RGS7: variants seen among roughly 807,000 people sequenced by gnomAD.
RGS7 encodes the protein regulator of G-protein signaling 7.
RGS7 carries 27 observed loss-of-function variants against 81.1 expected under a neutral mutation model. The observed-to-expected ratio is 0.33, with a 90% confidence interval of 0.25 to 0.46. RGS7 has a LOEUF of 0.46. Ranked by LOEUF, RGS7 falls within the 20% of genes least tolerant of loss-of-function variation. The probability of loss-of-function intolerance (pLI) is 1.00; values close to 1 mark genes in which losing one functional copy is unlikely to be tolerated. For missense variants in RGS7, 396 were observed against 607.4 expected (o/e 0.65, Z 3.66); for synonymous variants, 208 against 207.7 (o/e 1.00, Z -0.01).
intron 2 of RGS7, among the ~76,000 whole-genome samples, chr1:241,353,372 T>C (rs894862353): frequency 6.6e-6 from 1 of 152,270 alleles, no homozygotes; most frequent in African/African-American, 2.4e-5. Context: ...AAATATGTGA[T>C]GTCACGATCT....
intron 6 of RGS7, among the ~76,000 whole-genome samples, chr1:240,922,975 C>G (rs1239782833): frequency 5.9e-5 from 9 of 152,024 alleles, no homozygotes; most frequent in Non-Finnish European, 1.5e-5. Context: ...CAATGGGTGA[C>G]TGGATAAACT....
At chr1:240,810,854 C>T (rs1689727762) in intron 14 of RGS7, among the ~76,000 whole-genome samples, 1 of 152,148 alleles carries the variant, frequency 6.6e-6, no homozygotes, top group Admixed American at 6.5e-5. Context: ...CAAGATCTTG[C>T]AAAAGCCCAA....
chr1:241,237,135 A>G (rs1039365692), intron 2 of RGS7, among the ~76,000 whole-genome samples: 12 of 152,262 alleles, frequency 7.9e-5, no homozygotes, highest in African/African-American at 2.9e-4. Flanking sequence ...TAATCCATTT[A>G]TAAGGACAAC....
rs190757746 is a variant in RGS7, at chr1:241,091,801, T to C, written c.175+6865A>G. Among the ~76,000 whole-genome samples the C allele has an allele frequency of 6.5e-3, 990 of 152,082 alleles. 3 individuals are homozygous for C. Among genetic ancestry groups the C allele is most frequent in the Non-Finnish European group, 9.6e-3 (650 of 67,998 alleles). ...ACTTGGGAGGCTAAGGCAGGAAGAT[T>C]GCTTGAGCCCAGGAATTTGAGGCTG... On this transcript the variant is annotated intron_variant, in intron 3 of 18. Transcript: ENST00000440928.
At chr1:240,914,015 A>T (rs896958712) in intron 6 of RGS7, among the ~76,000 whole-genome samples, 1 of 150,394 alleles carries the variant, frequency 6.6e-6, no homozygotes, top group African/African-American at 2.4e-5. Context: ...GCACCCATTA[A>T]CTCGTCATCT....
At chr1:240,980,605 T>C (rs1684769932) in intron 4 of RGS7, among the ~76,000 whole-genome samples, 1 of 152,204 alleles carries the variant, frequency 6.6e-6, no homozygotes, top group South Asian at 2.1e-4. Context: ...TGGTTTCATA[T>C]AGGCAGCCAC....
intron 5 of RGS7, among the ~76,000 whole-genome samples, chr1:240,932,673 TG>T (rs1675696549): frequency 1.3e-5 from 2 of 149,388 alleles, no homozygotes; most frequent in Middle Eastern, 3.6e-3. Context: ...CACGCCCAGC[TG>T]AGTTTTTGTA....
At chr1:240,851,576 G>A (rs1441843389) in intron 9 of RGS7, among the ~76,000 whole-genome samples, 1 of 152,276 alleles carries the variant, frequency 6.6e-6, no homozygotes, top group South Asian at 2.1e-4. Flanking sequence ...CATTTGTAAG[G>A]CTACAGCTAT....
intron 2 of RGS7, among the ~76,000 whole-genome samples, chr1:241,327,020 A>AGGGAGGGAGGGAGGG (rs2081546204): frequency 7.8e-3 from 4 of 514 alleles, no homozygotes; most frequent in Admixed American, 0.025. Flanking sequence ...GGAAGGAAGG[A>AGGGAGGGAGGGAGGG]AGGAAGGAAG....
At chr1:240,782,991 A>C (rs12042174) in intron 18 of RGS7, among the ~76,000 whole-genome samples, 84,813 of 152,052 alleles carry the variant, frequency 0.56, 25,069 homozygotes, top group Non-Finnish European at 0.66. Flanking sequence ...AGATCCTGTG[A>C]GATTTTGTAA....
intron 3 of RGS7, among the ~76,000 whole-genome samples, chr1:241,012,211 T>C (rs1460338089): frequency 6.6e-6 from 1 of 151,930 alleles, no homozygotes; most frequent in Non-Finnish European, 1.5e-5. Flanking sequence ...TGAATGCAAA[T>C]AGGGCAGAGG....
chr1:241,020,153 G>T (rs927246657), intron 3 of RGS7, among the ~76,000 whole-genome samples: 1 of 152,176 alleles, frequency 6.6e-6, no homozygotes, highest in Non-Finnish European at 1.5e-5. Context: ...TGCTACAGGG[G>T]ATAACTTCTA....
intron 2 of RGS7, among the ~76,000 whole-genome samples, chr1:241,129,334 C>T (rs1477791709): frequency 6.6e-6 from 1 of 151,588 alleles, no homozygotes; most frequent in Non-Finnish European, 1.5e-5. Context: ...TTAAATTTCA[C>T]AAAATGAAGT....
Position 241,164,819 on chromosome 1 carries a change from C to T in RGS7, c.79-66057G>A, listed in dbSNP as rs1451177255. ...AGATCAATACATTCTAATACCGAGG[C>T]AACTTTTTTCTCAGTAATCTAAATT... On this transcript the variant is annotated intron_variant, in intron 2 of 18. Coordinates refer to ENST00000440928, the MANE Select transcript of RGS7 (RefSeq NM_001364886.1). This position sits in a 1 kb window ranked among gnomAD's most constrained non-coding sequence, Gnocchi z 4.1. Among the ~76,000 whole-genome samples the T allele has an allele frequency of 1.3e-5, 2 of 151,636 alleles. No homozygotes were observed. Among genetic ancestry groups the T allele is most frequent in the Non-Finnish European group, 3.0e-5 (2 of 67,692 alleles).
chr1:241,281,143 A>G (rs940869901), intron 2 of RGS7, among the ~76,000 whole-genome samples: 5 of 152,222 alleles, frequency 3.3e-5, no homozygotes, highest in South Asian at 4.1e-4. Context: ...TAAAATATAC[A>G]CAAGTCTATT....
intron 2 of RGS7, among the ~76,000 whole-genome samples, chr1:241,221,569 G>A (rs535758100): frequency 1.3e-5 from 2 of 152,282 alleles, no homozygotes; most frequent in South Asian, 4.1e-4. Context: ...GGGCGACAAC[G>A]CCCAGATAAG....
chr1:241,223,307 G>A (rs2075121099), intron 2 of RGS7, among the ~76,000 whole-genome samples: 2 of 152,178 alleles, frequency 1.3e-5, no homozygotes, highest in Admixed American at 6.5e-5. Context: ...TTCATGCTAA[G>A]GCCATGTGGA....
At chr1:241,085,460 T>C (rs569123831) in intron 3 of RGS7, among the ~76,000 whole-genome samples, 5 of 152,326 alleles carry the variant, frequency 3.3e-5, no homozygotes, top group African/African-American at 1.2e-4. Flanking sequence ...AGAGTCTCTC[T>C]GTCATCCAGA....
chr1:240,983,000 A>G (rs772503435), intron 4 of RGS7, 79 bp downstream of exon 4: 2 of 805,434 alleles, frequency 2.5e-6, no homozygotes, highest in Non-Finnish European at 4.2e-6. Context: ...TGCGTGCCAT[A>G]TTAAAATATC....
Sources: gnomAD v4.1 joint callset for allele counts (sites outside exome capture counted in the v4.1 genomes callset) on GRCh38, gnomAD v4.1.1 for gene constraint, Gnocchi (gnomAD v3.1) non-coding constraint, MANE v1.5 for transcripts, NCBI Gene and HGNC (gene_info 2026-07-23, HGNC 2026-07-21) for gene names.